Variants in CSMD1 observed in about 807,000 individuals in gnomAD.
The protein encoded by CSMD1 is CUB and sushi domain-containing protein 1.
CSMD1 carries 213 observed loss-of-function variants against 417.5 expected under a neutral mutation model. The ratio of observed to expected loss-of-function variants is 0.51; its 90% CI spans 0.46 to 0.57. The LOEUF (loss-of-function observed/expected upper bound fraction) is 0.57. Among genes scored for constraint, CSMD1 ranks in the 20% least tolerant of loss-of-function variants. The probability of loss-of-function intolerance (pLI) is 0.00; values close to 1 mark genes in which losing one functional copy is unlikely to be tolerated. For synonymous variants in CSMD1, 2,862 were observed against 1,736.8 expected, an observed-to-expected ratio of 1.65 and a Z score of -16.11; for missense variants, 6,923 against 4,529.7, an observed-to-expected ratio of 1.53 and a Z score of -15.17.
chr8:3,583,189 C>G (rs1170225122), intron 9 of CSMD1, among the ~76,000 whole-genome samples: 2 of 151,996 alleles, frequency 1.3e-5, no homozygotes, highest in East Asian at 3.9e-4. Context: ...AGCCAGTTCC[C>G]TGATCTAAGC....
At chr8:3,926,547 T>A (rs961715612) in intron 5 of CSMD1, among the ~76,000 whole-genome samples, 1 of 151,948 alleles carries the variant, frequency 6.6e-6, no homozygotes, top group Non-Finnish European at 1.5e-5. Context: ...ATTGTTTCTT[T>A]TTTGATTTAA....
At chr8:3,790,357 G>GT (rs1474389435) in intron 5 of CSMD1, among the ~76,000 whole-genome samples, 2 of 152,042 alleles carry the variant, frequency 1.3e-5, no homozygotes, top group African/African-American at 2.4e-5. Flanking sequence ...GATGATGGTG[G>GT]TGATAGTGAC....
chr8:4,212,609 A>G (rs772372424), intron 3 of CSMD1, among the ~76,000 whole-genome samples: 1 of 152,134 alleles, frequency 6.6e-6, no homozygotes, highest in African/African-American at 2.4e-5. Context: ...GTAGTTATCT[A>G]AACAATGATC....
At chr8:4,348,384 G>C (rs1343222703) in intron 3 of CSMD1, among the ~76,000 whole-genome samples, 2 of 152,050 alleles carry the variant, frequency 1.3e-5, no homozygotes, top group Non-Finnish European at 2.9e-5. Context: ...AGTGTTTAAA[G>C]AACGTTGCAG....
intron 27 of CSMD1, among the ~76,000 whole-genome samples, chr8:3,227,631 T>A (rs558837911): frequency 6.6e-6 from 1 of 152,300 alleles, no homozygotes; most frequent in South Asian, 2.1e-4. Context: ...GTGGTGTAGT[T>A]GTGCCTTCTA....
At chr8:3,992,718 C>G (rs1313154437) in intron 5 of CSMD1, among the ~76,000 whole-genome samples, 1 of 152,194 alleles carries the variant, frequency 6.6e-6, no homozygotes, top group East Asian at 1.9e-4. Flanking sequence ...GAGTTTGAGG[C>G]TACAGTGAGC....
intron 1 of CSMD1, among the ~76,000 whole-genome samples, chr8:4,830,105 T>A (rs551741499): frequency 2.0e-5 from 3 of 152,234 alleles, no homozygotes; most frequent in Non-Finnish European, 4.4e-5. Context: ...AGAGCTACAT[T>A]CTTGGAAACT....
At chr8:3,692,621 TG>T (rs765706146) in intron 7 of CSMD1, among the ~76,000 whole-genome samples, 1 of 151,908 alleles carries the variant, frequency 6.6e-6, no homozygotes, top group Non-Finnish European at 1.5e-5. Context: ...TTCGTAGAGG[TG>T]GGGTTTCACC....
At chr8:4,814,968 C>A (rs1221619606) in intron 1 of CSMD1, among the ~76,000 whole-genome samples, 1 of 152,008 alleles carries the variant, frequency 6.6e-6, no homozygotes, top group East Asian at 1.9e-4. Context: ...ACTGATGGAT[C>A]CTCATATTTC....
intron 3 of CSMD1, among the ~76,000 whole-genome samples, chr8:4,329,915 G>A (rs1429952362): frequency 6.6e-6 from 1 of 151,980 alleles, no homozygotes; most frequent in Non-Finnish European, 1.5e-5. Flanking sequence ...CTCTGGCCAT[G>A]TGAGGTGTCT....
At chr8:4,475,331 A>T (rs1332590221) in intron 2 of CSMD1, among the ~76,000 whole-genome samples, 2 of 152,164 alleles carry the variant, frequency 1.3e-5, no homozygotes, top group African/African-American at 4.8e-5. Context: ...TGATAGCTTC[A>T]TAAGACAGAA....
At chr8:4,017,093 C>A (rs546481850) in intron 4 of CSMD1, among the ~76,000 whole-genome samples, 2 of 152,140 alleles carry the variant, frequency 1.3e-5, no homozygotes, top group Non-Finnish European at 2.9e-5. Flanking sequence ...ACTCAGTGAC[C>A]GCGGTGTTCA....
chr8:4,969,155 C>T (rs1017000765), intron 1 of CSMD1, among the ~76,000 whole-genome samples: 1 of 152,020 alleles, frequency 6.6e-6, no homozygotes, highest in African/African-American at 2.4e-5. Context: ...TTTATTATAC[C>T]ATTATCATGG....
intron 1 of CSMD1, among the ~76,000 whole-genome samples, chr8:4,983,124 A>G (rs990007116): frequency 6.6e-6 from 1 of 152,236 alleles, no homozygotes; most frequent in African/African-American, 2.4e-5. Context: ...AGAAACAGAA[A>G]CACAATTGAA....
At chr8:3,481,180 C>A (rs2036277) in intron 11 of CSMD1, among the ~76,000 whole-genome samples, 60,995 of 99,166 alleles carry the variant, frequency 0.62, 19,826 homozygotes, top group Non-Finnish European at 0.66. Flanking sequence ...AAAAAAAAAA[C>A]CAGAGTAGTT....
intron 32 of CSMD1, among the ~76,000 whole-genome samples, chr8:3,201,048 T>A (rs1487204949): frequency 6.6e-6 from 1 of 152,172 alleles, no homozygotes; most frequent in Non-Finnish European, 1.5e-5. Flanking sequence ...GCATACCGTG[T>A]TTGTTAGAGA....
intron 1 of CSMD1, among the ~76,000 whole-genome samples, chr8:4,979,924 G>C (rs537083393): frequency 1.3e-5 from 2 of 152,244 alleles, no homozygotes; most frequent in South Asian, 2.1e-4. Context: ...AGTACTCCCA[G>C]CTACTGGGGA....
chr8:4,187,120 G>T (rs1399133204), intron 3 of CSMD1, among the ~76,000 whole-genome samples: 1 of 150,588 alleles, frequency 6.6e-6, no homozygotes, highest in East Asian at 2.0e-4. Flanking sequence ...ATTTCACCAA[G>T]TCTCCACTCT....
At chr8:4,383,897 T>C (rs1485186059) in intron 3 of CSMD1, among the ~76,000 whole-genome samples, 3 of 152,216 alleles carry the variant, frequency 2.0e-5, no homozygotes, top group Non-Finnish European at 4.4e-5. Flanking sequence ...ATATTTTAGA[T>C]ACTCATAAAT....
Sources: gnomAD v4.1 joint callset for allele counts (sites outside exome capture counted in the v4.1 genomes callset) on GRCh38, gnomAD v4.1.1 for gene constraint, MANE v1.5 for transcripts, NCBI Gene and HGNC (gene_info 2026-07-23, HGNC 2026-07-21) for gene names.